The following MCTP1 variants were observed in gnomAD, a reference collection of about 807,000 sequenced individuals.
MCTP1 encodes multiple C2 and transmembrane domain containing 1.
MCTP1 carries 69 observed loss-of-function variants against 120.6 expected under a neutral mutation model. The observed-to-expected ratio is 0.57, with a 90% CI of 0.47 to 0.70. The LOEUF (loss-of-function observed/expected upper bound fraction) is 0.70, where lower values mean the gene tolerates loss of function less well. Among genes scored for constraint, MCTP1 ranks in the 30% least tolerant of loss-of-function variants. The pLI is 0.00. For synonymous variants in MCTP1, 529 were observed against 493.1 expected, an observed-to-expected ratio of 1.07 and a Z score of -0.96; for missense variants, 1,203 against 1,248.8, an observed-to-expected ratio of 0.96 and a Z score of 0.55.
chr5:95,134,097 G>A (rs1006906368), intron 1 of MCTP1, among the ~76,000 whole-genome samples: 1 of 152,124 alleles, frequency 6.6e-6, no homozygotes, highest in Non-Finnish European at 1.5e-5. Context: ...GGATCTTCAT[G>A]TTTTAATACC....
intron 19 of MCTP1, among the ~76,000 whole-genome samples, chr5:94,751,924 C>G (rs138510189): frequency 0.061 from 8,549 of 139,964 alleles, 364 homozygotes; most frequent in South Asian, 0.17. Flanking sequence ...CACATGGACA[C>G]AGGAAGGGGA....
intron 2 of MCTP1, among the ~76,000 whole-genome samples, chr5:95,009,074 G>C (rs1004360005): frequency 2.6e-5 from 1 of 38,876 alleles, no homozygotes. Context: ...GAGAGAGAGA[G>C]AGAGAGAGAG....
intron 19 of MCTP1, among the ~76,000 whole-genome samples, chr5:94,730,154 C>G (rs1365862656): frequency 6.6e-6 from 1 of 152,142 alleles, no homozygotes; most frequent in Non-Finnish European, 1.5e-5. Context: ...GCTTGAGCAA[C>G]TGGGTAAATG....
At chr5:94,946,372 A>G (rs1377750015) in intron 3 of MCTP1, among the ~76,000 whole-genome samples, 2 of 152,156 alleles carry the variant, frequency 1.3e-5, no homozygotes, top group Non-Finnish European at 2.9e-5. Flanking sequence ...AAGATATGGA[A>G]GTGGCTTAAT....
intron 10 of MCTP1, among the ~76,000 whole-genome samples, 171 bp downstream of exon 10, chr5:94,909,080 C>G (rs1807731340): frequency 6.6e-6 from 1 of 152,042 alleles, no homozygotes; most frequent in African/African-American, 2.4e-5. Flanking sequence ...AAACCGCCAC[C>G]TACTGGTCAG....
rs377323057 is a variant in MCTP1 at position 95,181,242 on chromosome 5, A to G, written c.720+102614T>C. ...AAATCCAAACTCTTTACCACAGCCT[A>G]CAAGGGCTCCTGTGATCTGTCCTCT... On this transcript the variant is annotated intron_variant, in intron 1 of 22. Transcript: ENST00000515393. 2.4e-4 allele frequency among the ~76,000 whole-genome samples: 36 copies of G among 152,314 alleles called. No homozygotes were observed. The South Asian group carries it at 6.8e-3, about 29-fold the overall frequency.
intron 17 of MCTP1, among the ~76,000 whole-genome samples, chr5:94,818,738 G>C (rs927179442): frequency 1.3e-5 from 2 of 152,160 alleles, no homozygotes. Context: ...AATTAAAACT[G>C]TCTCTAATCC....
chr5:95,002,030 T>C (rs1833834866), intron 2 of MCTP1, among the ~76,000 whole-genome samples: 1 of 152,198 alleles, frequency 6.6e-6, no homozygotes, highest in Non-Finnish European at 1.5e-5. Context: ...CAGTACCAGC[T>C]GTGGCTACAA....
At chr5:94,972,958 G>C (rs950800874) in intron 2 of MCTP1, among the ~76,000 whole-genome samples, 2 of 152,038 alleles carry the variant, frequency 1.3e-5, no homozygotes, top group Non-Finnish European at 2.9e-5. Context: ...ACTGGGTTGA[G>C]GAGGGAGAGA....
At chr5:94,922,453 C>A (rs1001238620) in intron 7 of MCTP1, among the ~76,000 whole-genome samples, 1 of 151,528 alleles carries the variant, frequency 6.6e-6, no homozygotes. Flanking sequence ...GAACACCCCC[C>A]AAATTCTACT....
intron 19 of MCTP1, among the ~76,000 whole-genome samples, chr5:94,764,250 C>T (rs2152863071): frequency 6.6e-6 from 1 of 152,290 alleles, no homozygotes; most frequent in East Asian, 1.9e-4. Context: ...ATGCAGTCTG[C>T]CACAGACGCC....
chr5:94,746,157 T>TAG (rs1175108765), intron 19 of MCTP1, among the ~76,000 whole-genome samples: 1 of 152,234 alleles, frequency 6.6e-6, no homozygotes, highest in Non-Finnish European at 1.5e-5. Context: ...ACTGAGGATT[T>TAG]AGGCAGAATC....
chr5:94,704,659 A>G lies in MCTP1; in HGVS notation c.*2837T>C, dbSNP rs999530267. On this transcript the variant is annotated 3_prime_UTR_variant, in exon 23 of 23. Coordinates refer to ENST00000515393, the MANE Select transcript of MCTP1 (RefSeq NM_024717.7). ...CTTCAACTCCAGATTTGATTTTAGT[A>G]TACAATCATTGGTTTGACCGTTGTC... 2.0e-5 allele frequency: 3 copies of G among 151,228 alleles called. No individual in the cohort carries two copies. Among genetic ancestry groups the G allele is most frequent in the Admixed American group, 6.6e-5 (1 of 15,166 alleles). 9.4% of individuals were successfully genotyped at this position (151,228 alleles called of 1,614,324 possible).
chr5:95,237,409 C>T (rs929101577), intron 1 of MCTP1, among the ~76,000 whole-genome samples: 1 of 152,238 alleles, frequency 6.6e-6, no homozygotes, highest in African/African-American at 2.4e-5. Flanking sequence ...TAGGGACATG[C>T]GGTGGGTTGG....
intron 2 of MCTP1, among the ~76,000 whole-genome samples, chr5:94,988,293 C>T (rs983751712): frequency 1.9e-4 from 25 of 130,990 alleles, no homozygotes; most frequent in Non-Finnish European, 3.6e-4. Flanking sequence ...AATACCTTTA[C>T]GTTAACAGAT....
intron 17 of MCTP1, among the ~76,000 whole-genome samples, chr5:94,823,981 C>T (rs1786323083): frequency 6.6e-6 from 1 of 152,222 alleles, no homozygotes; most frequent in Non-Finnish European, 1.5e-5. Context: ...ACAATCATGT[C>T]ATCTGCAAAC....
rs532861718 is a variant in MCTP1, at chr5:95,065,631, A to G, written c.721-48147T>C. ...TCTCTTAATCCGATAAAAGCAATTA[A>G]CAAATATTTGTATTTTATGGTAAAG... On this transcript the variant is annotated intron_variant, in intron 1 of 22. Coordinates refer to ENST00000515393, the MANE Select transcript of MCTP1 (RefSeq NM_024717.7). Among the ~76,000 whole-genome samples, 30 of 152,346 alleles carry G rather than the reference A, an allele frequency of 2.0e-4. 3 individuals are homozygous for G. Among genetic ancestry groups the G allele is most frequent in the African/African-American group, 7.0e-4 (29 of 41,594 alleles).
chr5:95,045,917 T>C (rs1317063862), intron 1 of MCTP1, among the ~76,000 whole-genome samples: 1 of 152,144 alleles, frequency 6.6e-6, no homozygotes, highest in East Asian at 1.9e-4. Context: ...AGTGGGAAAG[T>C]GGCTGAACCT....
chr5:94,807,226 G>A (rs1782531387), intron 17 of MCTP1, among the ~76,000 whole-genome samples: 1 of 152,168 alleles, frequency 6.6e-6, no homozygotes, highest in South Asian at 2.1e-4. Context: ...ATGTGAGAGA[G>A]ACCTCAAATT....
Sources: gnomAD v4.1 joint callset for allele counts (sites outside exome capture counted in the v4.1 genomes callset) on GRCh38, gnomAD v4.1.1 for gene constraint, MANE v1.5 for transcripts, NCBI Gene and HGNC (gene_info 2026-07-23, HGNC 2026-07-21) for gene names.